The following UBE2D3 variants were observed in gnomAD, a reference collection of about 807,000 sequenced individuals.
The protein encoded by UBE2D3 is ubiquitin-conjugating enzyme E2 D3.
In UBE2D3, 2 loss-of-function variants were observed where a neutral mutation model predicts 22.8. The observed-to-expected ratio is 0.09, with a 90% confidence interval of 0.04 to 0.28. The LOEUF is 0.28. UBE2D3 is among the 10% of genes least tolerant of loss of function. The probability of loss-of-function intolerance (pLI) is 1.00; values close to 1 mark genes in which losing one functional copy is unlikely to be tolerated. For synonymous variants in UBE2D3, 56 were observed against 60.4 expected, an observed-to-expected ratio of 0.93 and a Z score of 0.34; for missense variants, 27 against 182.5, an observed-to-expected ratio of 0.15 and a Z score of 4.91.
intron 1 of UBE2D3, 149 bp downstream of exon 1, chr4:102,827,278 G>A (rs976642665): frequency 9.5e-6 from 9 of 949,566 alleles, no homozygotes; most frequent in Admixed American, 6.2e-5. Flanking sequence ...AGCAGGAGAG[G>A]CCGCGGCTTC....
At chr4:102,856,103 T>C (rs971505303) in intron 1 of UBE2D3, among the ~76,000 whole-genome samples, 3 of 152,210 alleles carry the variant, frequency 2.0e-5, no homozygotes, top group African/African-American at 7.2e-5. Flanking sequence ...TGGTGGCTCA[T>C]GCCTGTACTC....
intron 1 of UBE2D3, among the ~76,000 whole-genome samples, chr4:102,836,135 G>C (rs372917417): frequency 7.8e-6 from 1 of 128,980 alleles, no homozygotes; most frequent in African/African-American, 2.9e-5. Context: ...CATTTGGTTT[G>C]TTTCCATTTT....
At chr4:102,836,212 T>C (rs1048604192) in intron 1 of UBE2D3, among the ~76,000 whole-genome samples, 2 of 141,788 alleles carry the variant, frequency 1.4e-5, no homozygotes, top group African/African-American at 5.3e-5. Flanking sequence ...AGTGGCGCAA[T>C]CTTGGCTTAC....
At chr4:102,830,130 G>A (rs1731043225), upstream of UBE2D3, among the ~76,000 whole-genome samples, 1 of 152,198 alleles carries the variant, frequency 6.6e-6, no homozygotes, top group East Asian at 1.9e-4. Context: ...AAAATCAAAA[G>A]AAACATAGCC....
At chr4:102,811,619 T>A (rs1353200416) in intron 2 of UBE2D3, 2 of 307,492 alleles carry the variant, frequency 6.5e-6, no homozygotes, top group African/African-American at 4.6e-5. Flanking sequence ...AGGGAGAGGC[T>A]GCAGATCGCG....
At chr4:102,826,990 G>T (rs1730625472) in intron 1 of UBE2D3, 5 of 997,756 alleles carry the variant, frequency 5.0e-6, no homozygotes, top group Non-Finnish European at 3.6e-6. Flanking sequence ...GGCAAGGGGG[G>T]AGGGGGAAGC....
chr4:102,828,704 A>C (rs1163609355), upstream of UBE2D3, among the ~76,000 whole-genome samples: 1 of 152,248 alleles, frequency 6.6e-6, no homozygotes, highest in Non-Finnish European at 1.5e-5. Flanking sequence ...GGTAGAGTTT[A>C]GAGTCAGAAA....
chr4:102,858,643 G>A (rs930129096), intron 1 of UBE2D3, among the ~76,000 whole-genome samples: 13 of 151,846 alleles, frequency 8.6e-5, no homozygotes, highest in African/African-American at 3.1e-4. Context: ...TTACTATAAA[G>A]TAATGGTTCT....
chr4:102,827,421 G>A lies in UBE2D3; in HGVS notation c.-129+6C>T, dbSNP rs1175739043. The A allele has an allele frequency of 5.1e-6, 5 of 985,950 alleles. No individual in the cohort carries two copies. The East Asian group carries it at 4.6e-4, about 90-fold the overall frequency. The allele number at this position is 985,950 out of a possible 1,614,324, so 61.1% of individuals were successfully genotyped here. A position where few individuals can be genotyped will look rare whatever the true frequency, so the allele number is the denominator to read the frequency against. ...CCCTGCCCTAGCCGTCCACACCCAC[G>A]CGTACAGAGGGGCCGGGGCCTCCCT... is the stretch of plus-strand genomic sequence containing the variant. On this transcript the variant is annotated splice_donor_region_variant and intron_variant, in intron 1 of 7. Transcript: ENST00000453744.
At chr4:102,815,202 C>G (rs539869843) in intron 2 of UBE2D3, among the ~76,000 whole-genome samples, 38 of 152,124 alleles carry the variant, frequency 2.5e-4, no homozygotes, top group African/African-American at 8.7e-4. Flanking sequence ...CGCCACCACA[C>G]CCGGCTAATT....
intron 1 of UBE2D3, among the ~76,000 whole-genome samples, chr4:102,840,496 T>A (rs1191851338): frequency 6.6e-6 from 1 of 152,194 alleles, no homozygotes; most frequent in Non-Finnish European, 1.5e-5. Context: ...GTTCTCTCAT[T>A]CATGTGGAAG....
chr4:102,817,208 G>A (rs1464004699), intron 2 of UBE2D3, among the ~76,000 whole-genome samples: 1 of 152,212 alleles, frequency 6.6e-6, no homozygotes, highest in African/African-American at 2.4e-5. Flanking sequence ...CAGGAGAGTG[G>A]CAGATTTAGC....
intron 1 of UBE2D3, among the ~76,000 whole-genome samples, chr4:102,845,182 C>T (rs927198642): frequency 2.6e-5 from 4 of 152,042 alleles, no homozygotes. Flanking sequence ...TGCCACTGCA[C>T]TCCAGCCTGG....
chr4:102,815,719 G>A (rs1474813190), intron 2 of UBE2D3, among the ~76,000 whole-genome samples: 1 of 151,996 alleles, frequency 6.6e-6, no homozygotes, highest in Non-Finnish European at 1.5e-5. Context: ...ATTTCTAAAT[G>A]CCTTACTTTC....
At chr4:102,810,035 C>T (rs1042091785) in intron 2 of UBE2D3, 180 bp from the exon 3 acceptor site, 2 of 595,510 alleles carry the variant, frequency 3.4e-6, no homozygotes, top group African/African-American at 1.9e-5. Flanking sequence ...AGACAATCAT[C>T]TTAGCTAGAG....
intron 1 of UBE2D3, among the ~76,000 whole-genome samples, chr4:102,865,731 T>C (rs1195576189): frequency 2.6e-5 from 4 of 152,146 alleles, no homozygotes; most frequent in Admixed American, 6.5e-5. Flanking sequence ...TTGGGCTATA[T>C]CTTAACGATC....
At chr4:102,840,209 A>G (rs1731668944) in intron 1 of UBE2D3, among the ~76,000 whole-genome samples, 1 of 152,236 alleles carries the variant, frequency 6.6e-6, no homozygotes, top group Non-Finnish European at 1.5e-5. Context: ...TCAAAAAACT[A>G]AAAGAACTGC....
At chr4:102,842,207 T>G (rs1394211009) in intron 1 of UBE2D3, among the ~76,000 whole-genome samples, 1 of 151,636 alleles carries the variant, frequency 6.6e-6, no homozygotes, top group Non-Finnish European at 1.5e-5. Context: ...ACAACTACCT[T>G]GTGTATTTTG....
At chr4:102,847,876 C>T (rs1424410114) in intron 1 of UBE2D3, among the ~76,000 whole-genome samples, 1 of 152,020 alleles carries the variant, frequency 6.6e-6, no homozygotes, top group East Asian at 1.9e-4. Context: ...AAACTCCTGG[C>T]TTCAAGAGAT....
Sources: allele counts gnomAD v4.1 joint callset (sites outside exome capture counted in the v4.1 genomes callset), GRCh38; gene constraint gnomAD v4.1.1; transcripts MANE v1.5; gene names NCBI Gene and HGNC (gene_info 2026-07-23, HGNC 2026-07-21).